PTPRT: variants seen among roughly 807,000 people sequenced by gnomAD.
PTPRT encodes the protein receptor-type tyrosine-protein phosphatase T.
PTPRT carries 56 observed loss-of-function variants against 176.8 expected under a neutral mutation model. The observed-to-expected ratio is 0.32, with a 90% CI of 0.26 to 0.40. The LOEUF is 0.40. Among genes scored for constraint, PTPRT ranks in the 10% least tolerant of loss-of-function variants. PTPRT has a pLI of 1.00. For synonymous variants in PTPRT, 783 were observed against 739.0 expected, an observed-to-expected ratio of 1.06 and a Z score of -0.96; for missense variants, 1,540 against 1,908.2, an observed-to-expected ratio of 0.81 and a Z score of 3.60.
chr20:42,429,856 A>G (rs757886475), intron 9 of PTPRT, among the ~76,000 whole-genome samples: 2 of 152,200 alleles, frequency 1.3e-5, no homozygotes, highest in Non-Finnish European at 2.9e-5. Flanking sequence ...GAAAGGAGGA[A>G]GAGGGAAAAG....
chr20:42,076,613 C>A lies in PTPRT; in HGVS notation c.*4266G>T. 1 of 195,202 alleles carries A rather than the reference C, an allele frequency of 5.1e-6. No individual in the cohort carries two copies. Among genetic ancestry groups the A allele is most frequent in the Non-Finnish European group, 1.1e-5 (1 of 93,830 alleles). 12.1% of individuals were successfully genotyped at this position (195,202 alleles called of 1,614,324 possible). A position where few individuals can be genotyped will look rare whatever the true frequency, so the allele number is the denominator to read the frequency against. On this transcript the variant is annotated 3_prime_UTR_variant, in exon 31 of 31. Transcript: ENST00000373187. ...GTCTTGATCTTGAGCCTATAACTGG[C>A]TCTGGGAGGCAGCAGGGTCACTGCT... is the stretch of plus-strand genomic sequence containing the variant.
chr20:43,147,725 T>G (rs902635308), intron 1 of PTPRT, among the ~76,000 whole-genome samples: 11 of 152,180 alleles, frequency 7.2e-5, no homozygotes, highest in African/African-American at 2.4e-4. Flanking sequence ...AGAGCATCCC[T>G]TCTTCATCAT....
chr20:42,793,382 C>T lies in PTPRT; in HGVS notation c.215-1916G>A, dbSNP rs186932151. 1.9e-3 allele frequency among the ~76,000 whole-genome samples: 291 copies of T among 152,282 alleles called. 2 individuals are homozygous for T. Among genetic ancestry groups the T allele is most frequent in the Non-Finnish European group, 1.0e-3 (68 of 68,020 alleles). On this transcript the variant is annotated intron_variant, in intron 2 of 30. Transcript: ENST00000373187. The stretch of plus-strand genomic sequence containing the variant: ...CCAGTGAATATCATTTCACACTCTG[C>T]GTCCATGTGTACGCATTATTTAGCT...
At chr20:43,155,042 G>A (rs901155766) in intron 1 of PTPRT, among the ~76,000 whole-genome samples, 3 of 152,094 alleles carry the variant, frequency 2.0e-5, no homozygotes, top group Admixed American at 1.3e-4. Context: ...TCAAAATGAC[G>A]AAAGAGAAGT....
intron 6 of PTPRT, among the ~76,000 whole-genome samples, chr20:42,732,668 C>T (rs1442026235): frequency 2.6e-5 from 4 of 152,286 alleles, no homozygotes; most frequent in Admixed American, 2.6e-4. Context: ...TGGCAAGTTT[C>T]TTGTTGCAAG....
intron 7 of PTPRT, among the ~76,000 whole-genome samples, chr20:42,667,536 T>C (rs2146026388): frequency 6.6e-6 from 1 of 152,346 alleles, no homozygotes; most frequent in African/African-American, 2.4e-5. Flanking sequence ...GATGCTATTT[T>C]TTAAAAATCC....
At chr20:42,994,536 G>T (rs146805758) in intron 1 of PTPRT, among the ~76,000 whole-genome samples, 1 of 151,834 alleles carries the variant, frequency 6.6e-6, no homozygotes, top group Admixed American at 6.6e-5. Flanking sequence ...TTGTTATACA[G>T]GCTGTCTCAT....
intron 7 of PTPRT, among the ~76,000 whole-genome samples, chr20:42,668,858 A>ATTTTTTTTTTTTTTTT (rs755121515): frequency 9.8e-5 from 8 of 81,294 alleles, no homozygotes; most frequent in African/African-American, 1.4e-4. Context: ...CGCCCAGCTA[A>ATTTTTTTTTTTTTTTT]TTTTTTTTTT....
At chr20:42,575,251 C>T (rs910450274) in intron 7 of PTPRT, among the ~76,000 whole-genome samples, 1 of 152,080 alleles carries the variant, frequency 6.6e-6, no homozygotes, top group Non-Finnish European at 1.5e-5. Flanking sequence ...TCCTGTGGCC[C>T]GGTGAAAGCA....
chr20:42,738,286 T>C (rs188257450), intron 6 of PTPRT, among the ~76,000 whole-genome samples: 1 of 152,028 alleles, frequency 6.6e-6, no homozygotes, highest in East Asian at 1.9e-4. Flanking sequence ...CCGAGGTGAG[T>C]GGATCACTTA....
At chr20:43,109,909 C>T (rs1382871298) in intron 1 of PTPRT, among the ~76,000 whole-genome samples, 1 of 151,998 alleles carries the variant, frequency 6.6e-6, no homozygotes, top group Non-Finnish European at 1.5e-5. Flanking sequence ...TGGGGAGAGA[C>T]AGGAGGGAGA....
chr20:42,968,477 CTA>C (rs1250246426), intron 1 of PTPRT, among the ~76,000 whole-genome samples: 2 of 152,084 alleles, frequency 1.3e-5, no homozygotes, highest in Admixed American at 1.3e-4. Flanking sequence ...TCCAAATGAA[CTA>C]ATAAGTGGAC....
intron 7 of PTPRT, among the ~76,000 whole-genome samples, chr20:42,659,059 T>G (rs1319919169): frequency 1.3e-5 from 2 of 152,202 alleles, no homozygotes; most frequent in Non-Finnish European, 2.9e-5. Flanking sequence ...TTAGTGTTTT[T>G]CTGTATCTTC....
rs529821366 is a variant in PTPRT, at chr20:42,312,028, A to G, written c.2139+3695T>C. On this transcript the variant is annotated intron_variant, in intron 12 of 30. Transcript: ENST00000373187. ...TTATAGATCCAGATTAGAACTGTTA[A>G]GTTTTTACATTATGCATCTTTGCCT... is the stretch of plus-strand genomic sequence containing the variant. Among the ~76,000 whole-genome samples, 8 of 152,338 alleles carry G rather than the reference A, an allele frequency of 5.3e-5. No homozygotes were observed. In the South Asian group the frequency reaches 1.7e-3, roughly 32 times the overall value.
chr20:42,392,452 C>A (rs891872406), intron 9 of PTPRT, among the ~76,000 whole-genome samples: 2 of 152,060 alleles, frequency 1.3e-5, no homozygotes, highest in Admixed American at 6.5e-5. Context: ...AAATCCATTT[C>A]ATTTTTCTTA....
chr20:42,737,572 C>G (rs1215341708), intron 6 of PTPRT, among the ~76,000 whole-genome samples: 1 of 151,210 alleles, frequency 6.6e-6, no homozygotes, highest in East Asian at 2.0e-4. Flanking sequence ...ACGGAGGTTG[C>G]AGTGAGCCAA....
At chr20:42,754,564 T>A (rs185444704) in intron 6 of PTPRT, among the ~76,000 whole-genome samples, 1 of 152,328 alleles carries the variant, frequency 6.6e-6, no homozygotes, top group East Asian at 1.9e-4. Flanking sequence ...ATGACAGGCG[T>A]GAGCCACCAT....
intron 14 of PTPRT, among the ~76,000 whole-genome samples, chr20:42,240,800 A>G (rs2056339295): frequency 6.6e-6 from 1 of 152,180 alleles, no homozygotes; most frequent in African/African-American, 2.4e-5. Flanking sequence ...AAGGCCTACT[A>G]TATCCTTATC....
At chr20:42,408,880 C>T (rs529485312) in intron 9 of PTPRT, among the ~76,000 whole-genome samples, 32 of 152,228 alleles carry the variant, frequency 2.1e-4, no homozygotes, top group Non-Finnish European at 3.7e-4. Context: ...GGTTGCTCTG[C>T]GCTTGCAAGA....
Sources: gnomAD v4.1 joint callset for allele counts (sites outside exome capture counted in the v4.1 genomes callset) on GRCh38, gnomAD v4.1.1 for gene constraint, MANE v1.5 for transcripts, NCBI Gene and HGNC (gene_info 2026-07-23, HGNC 2026-07-21) for gene names.